Variants in ADAMTSL1 observed in about 807,000 individuals in gnomAD.
ADAMTSL1 encodes ADAMTS like 1, also known as ADAMTS-like protein 1.
In ADAMTSL1, 126 loss-of-function variants were observed where a neutral mutation model predicts 201.8. The ratio of observed to expected loss-of-function variants is 0.62; its 90% CI spans 0.54 to 0.72. ADAMTSL1 has a LOEUF of 0.72. ADAMTSL1 is among the 30% of genes least tolerant of loss of function. The pLI is 0.00. For synonymous variants in ADAMTSL1, 1,121 were observed against 903.4 expected (o/e 1.24, Z -4.32); for missense variants, 2,679 against 2,277.8 (o/e 1.18, Z -3.59).
intron 1 of ADAMTSL1, among the ~76,000 whole-genome samples, chr9:18,499,976 C>G (rs1194176472): frequency 6.6e-6 from 1 of 152,144 alleles, no homozygotes; most frequent in South Asian, 2.1e-4. Context: ...TGTCTCTGAG[C>G]AAATATAACT....
chr9:18,733,477 A>G (rs184780047), intron 15 of ADAMTSL1, among the ~76,000 whole-genome samples: 50 of 152,326 alleles, frequency 3.3e-4, no homozygotes, highest in Admixed American at 3.0e-3. Context: ...CAAAAAGCTC[A>G]TTTCCTTAAA....
intron 1 of ADAMTSL1, among the ~76,000 whole-genome samples, chr9:18,161,492 A>G (rs1445318217): frequency 6.6e-6 from 1 of 152,114 alleles, no homozygotes; most frequent in Non-Finnish European, 1.5e-5. Context: ...ATGGGATTCA[A>G]CAGGGATCAA....
At chr9:18,526,584 T>C (rs1819069206) in intron 2 of ADAMTSL1, among the ~76,000 whole-genome samples, 1 of 152,250 alleles carries the variant, frequency 6.6e-6, no homozygotes, top group Non-Finnish European at 1.5e-5. Flanking sequence ...TGCCAGTTGT[T>C]CCTTTCCATG....
In ADAMTSL1 at chr9:18,106,491, G is replaced by A. The variant is rs144718355; in HGVS notation, c.88-57371G>A. Among the ~76,000 whole-genome samples, 128 of 152,224 alleles carry A rather than the reference G, an allele frequency of 8.4e-4. 1 individual carries two copies. The highest frequency in any genetic ancestry group is 2.8e-3 in the African/African-American group (117 of 41,558). On this transcript the variant is annotated intron_variant, in intron 1 of 29. Coordinates refer to the ADAMTSL1 transcript ENST00000680146. ...CAACTCTGCTTAGCGCACATTTATT[G>A]TGTTAAGGAAAAAAGGCCCAAATAA...
chr9:18,094,210 G>C (rs1271827322), intron 1 of ADAMTSL1, among the ~76,000 whole-genome samples: 1 of 152,168 alleles, frequency 6.6e-6, no homozygotes, highest in Admixed American at 6.5e-5. Context: ...ACCGTTTCAA[G>C]AATTTATCTC....
intron 1 of ADAMTSL1, among the ~76,000 whole-genome samples, chr9:18,034,834 A>G (rs1821123380): frequency 1.3e-5 from 2 of 152,180 alleles, no homozygotes; most frequent in African/African-American, 2.4e-5. Flanking sequence ...TCTTATTTTT[A>G]TAAAGGAAAA....
intron 2 of ADAMTSL1, among the ~76,000 whole-genome samples, chr9:18,379,468 G>A (rs1305942336): frequency 6.6e-6 from 1 of 152,122 alleles, no homozygotes; most frequent in African/African-American, 2.4e-5. Flanking sequence ...ATTGCCCAGT[G>A]GGGGCTCTCA....
At chr9:18,131,017 T>C (rs1825928970) in intron 1 of ADAMTSL1, among the ~76,000 whole-genome samples, 1 of 152,166 alleles carries the variant, frequency 6.6e-6, no homozygotes, top group Non-Finnish European at 1.5e-5. Context: ...GATAAATCAA[T>C]GTCCCCATGG....
At chr9:18,035,143 G>A (rs1040372703) in intron 1 of ADAMTSL1, among the ~76,000 whole-genome samples, 3 of 152,130 alleles carry the variant, frequency 2.0e-5, no homozygotes, top group Admixed American at 6.6e-5. Flanking sequence ...GCTTAAGTTA[G>A]TATGTTACTA....
intron 2 of ADAMTSL1, among the ~76,000 whole-genome samples, chr9:18,526,056 A>G (rs571493953): frequency 1.3e-5 from 2 of 152,124 alleles, no homozygotes; most frequent in South Asian, 2.1e-4. Context: ...AAAGCCTCCC[A>G]TTATTATTGT....
chr9:17,920,321 G>C (rs535578507), intron 1 of ADAMTSL1, among the ~76,000 whole-genome samples: 1 of 151,888 alleles, frequency 6.6e-6, no homozygotes, highest in African/African-American at 2.4e-5. Flanking sequence ...TGCTTTTTGC[G>C]TACCCACCCT....
chr9:18,238,910 G>C (rs544312888), intron 2 of ADAMTSL1, among the ~76,000 whole-genome samples: 1 of 152,140 alleles, frequency 6.6e-6, no homozygotes, highest in South Asian at 2.1e-4. Flanking sequence ...TGCAGGTTCT[G>C]TTCCAGACCA....
chr9:18,890,730 A>ACCCCAGCTC (rs1829200620), intron 25 of ADAMTSL1: 5 of 323,864 alleles, frequency 1.5e-5, no homozygotes, highest in African/African-American at 2.5e-5. Flanking sequence ...AACCCCCCCC[A>ACCCCAGCTC]CCCCAGCTCC....
intron 4 of ADAMTSL1, among the ~76,000 whole-genome samples, chr9:18,600,299 C>T (rs76963841): frequency 0.12 from 17,677 of 152,108 alleles, 1,200 homozygotes; most frequent in Non-Finnish European, 0.16. Context: ...CCAGACACTC[C>T]CAAGTACTTA....
rs768230857 is a variant in ADAMTSL1, at chr9:18,196,233, G to C, written c.207+32252G>C. Among the ~76,000 whole-genome samples the C allele has an allele frequency of 7.9e-5, 12 of 152,016 alleles. No homozygotes were observed. In the East Asian group the frequency reaches 1.4e-3, roughly 17 times the overall value. On this transcript the variant is annotated intron_variant, in intron 2 of 29. Transcript: ENST00000680146. Reference sequence around the variant, plus strand: ...CAAACTGCTAAGATAAATCCATTTGGCTGGGAATTAGATGAGCTACTGATG... The same window carrying C: ...CAAACTGCTAAGATAAATCCATTTGCCTGGGAATTAGATGAGCTACTGATG...
rs1833373006 is a variant in ADAMTSL1 at position 18,721,543 on chromosome 9, G to A, written c.1884G>A (p.Gln628=). 1.9e-6 allele frequency: 3 copies of A among 1,613,950 alleles called. No homozygotes were observed. The highest frequency in any genetic ancestry group is 2.5e-6 in the Non-Finnish European group (3 of 1,179,868). ...KCSESCGGGV[Q]EAVVSCLNKQ... ...CGTGTGATTTGTACACAGGTGTCCA[G>A]GAGGCTGTGGTGAGCTGCTTGAACA... is the stretch of plus-strand genomic sequence containing the variant. Residue 628 remains glutamine, a synonymous_variant, in exon 15 of 29, where the codon CAG becomes CAA. Coordinates refer to ENST00000380548, the MANE Select transcript of ADAMTSL1 (RefSeq NM_001040272.6).
chr9:18,011,836 G>T (rs1246443030), intron 1 of ADAMTSL1, among the ~76,000 whole-genome samples: 4 of 151,914 alleles, frequency 2.6e-5, no homozygotes, highest in Admixed American at 2.6e-4. Flanking sequence ...TATTTTACAT[G>T]ACACAATACA....
intron 2 of ADAMTSL1, among the ~76,000 whole-genome samples, chr9:18,463,760 A>G (rs917103894): frequency 6.6e-6 from 1 of 152,224 alleles, no homozygotes; most frequent in Non-Finnish European, 1.5e-5. Flanking sequence ...TTTGTCAATA[A>G]AGACTTGGGT....
intron 20 of ADAMTSL1, among the ~76,000 whole-genome samples, chr9:18,805,575 G>C (rs1218492201): frequency 6.6e-6 from 1 of 152,150 alleles, no homozygotes; most frequent in Non-Finnish European, 1.5e-5. Flanking sequence ...TGTAGAAGTA[G>C]AAAACTGAGG....
Sources: allele counts gnomAD v4.1 joint callset (sites outside exome capture counted in the v4.1 genomes callset), GRCh38; gene constraint gnomAD v4.1.1; transcripts MANE v1.5; gene names NCBI Gene and HGNC (gene_info 2026-07-23, HGNC 2026-07-21).